TMC5: variants seen among roughly 807,000 people sequenced by gnomAD.
TMC5 encodes the protein transmembrane channel like 5, also known as transmembrane channel-like protein 5.
Under a neutral mutation model 110.5 loss-of-function variants are expected in TMC5, and 86 were observed. The observed-to-expected ratio is 0.78, with a 90% CI of 0.65 to 0.93. TMC5 has a LOEUF of 0.93. TMC5 is among the 40% of genes least tolerant of loss of function. TMC5 has a pLI of 0.00. For missense variants in TMC5, 1,144 were observed against 1,222.8 expected, an observed-to-expected ratio of 0.94 and a Z score of 0.96; for synonymous variants, 455 against 439.5, an observed-to-expected ratio of 1.04 and a Z score of -0.44.
At chr16:19,449,499 G>A in intron 4 of TMC5, 43 bp from the exon 5 acceptor site, 1 of 1,506,350 alleles carries the variant, frequency 6.6e-7, no homozygotes, top group Admixed American at 1.7e-5. Context: ...AATGTCTAGT[G>A]TGGTGAGACT....
intron 10 of TMC5, among the ~76,000 whole-genome samples, chr16:19,470,127 C>T (rs546653089): frequency 6.6e-6 from 1 of 151,718 alleles, no homozygotes; most frequent in Non-Finnish European, 1.5e-5. Context: ...ATCTCCTGAC[C>T]TCGTGATCCA....
intron 2 of TMC5, among the ~76,000 whole-genome samples, chr16:19,438,435 G>GAGAGAGAAAGAA (rs1555480629): frequency 9.6e-6 from 1 of 103,920 alleles, no homozygotes; most frequent in African/African-American, 4.2e-5. Context: ...AAGAAAGAAA[G>GAGAGAGAAAGAA]AGAAAGAAAG....
chr16:19,413,523 CAAAAAAAAAAAAAAAAAAAAAA>C (rs869158130), upstream of TMC5, among the ~76,000 whole-genome samples: 7 of 52,964 alleles, frequency 1.3e-4, no homozygotes, highest in South Asian at 1.1e-3. Flanking sequence ...AACCCTGCCT[CAAAAAAAAAAAAAAAAAAAAAA>C]AAAAAAAAAA....
chr16:19,418,396 C>G (rs1966904195), intron 1 of TMC5, among the ~76,000 whole-genome samples: 1 of 152,086 alleles, frequency 6.6e-6, no homozygotes, highest in Non-Finnish European at 1.5e-5. Flanking sequence ...GCCTTGGTTT[C>G]CTTGTCTGTA....
intron 9 of TMC5, 92 bp downstream of exon 9, chr16:19,466,325 CT>C: frequency 1.6e-6 from 2 of 1,286,346 alleles, no homozygotes; most frequent in Non-Finnish European, 2.2e-6. Context: ...GTAACAGTTT[CT>C]CTGCAGTCCT....
chr16:19,464,583 ATTCTT>A (rs1250284184), intron 8 of TMC5, among the ~76,000 whole-genome samples: 9 of 152,314 alleles, frequency 5.9e-5, no homozygotes, highest in South Asian at 2.1e-4. Flanking sequence ...GTACAGAGGC[ATTCTT>A]TTCTTTTCTT....
intron 5 of TMC5, among the ~76,000 whole-genome samples, 159 bp from the exon 6 acceptor site, chr16:19,460,076 T>C (rs1409043895): frequency 3.3e-5 from 5 of 149,934 alleles, no homozygotes; most frequent in Admixed American, 2.6e-4. Flanking sequence ...CTTTAACACA[T>C]ATATGTGTTT....
At chr16:19,424,649 T>TA (rs973749069) in intron 1 of TMC5, among the ~76,000 whole-genome samples, 9 of 151,018 alleles carry the variant, frequency 6.0e-5, no homozygotes, top group African/African-American at 1.7e-4. Flanking sequence ...AACTCTGTCT[T>TA]AAAAAAAAAG....
chr16:19,477,164 C>T (rs1042266389), intron 12 of TMC5: 13 of 284,112 alleles, frequency 4.6e-5, no homozygotes, highest in Admixed American at 1.5e-4. Flanking sequence ...AGGAGAATGG[C>T]GTGAACCTGG....
chr16:19,419,912 G>T (rs1254978537), intron 1 of TMC5, among the ~76,000 whole-genome samples: 1 of 152,148 alleles, frequency 6.6e-6, no homozygotes, highest in African/African-American at 2.4e-5. Flanking sequence ...GTCACCCAAC[G>T]TTCATCATTC....
chr16:19,433,052 A>G (rs1040654328), intron 2 of TMC5, among the ~76,000 whole-genome samples: 6 of 152,340 alleles, frequency 3.9e-5, no homozygotes, highest in Non-Finnish European at 8.8e-5. Flanking sequence ...GAAGTTATAT[A>G]CATACATACA....
chr16:19,493,810 C>T (rs1322873458), intron 19 of TMC5, among the ~76,000 whole-genome samples: 3 of 152,236 alleles, frequency 2.0e-5, no homozygotes, highest in Non-Finnish European at 4.4e-5. Flanking sequence ...CTTCCCCTCC[C>T]CACTTCCTCT....
At chr16:19,480,068 G>C (rs1968580828) in intron 14 of TMC5, among the ~76,000 whole-genome samples, 1 of 152,032 alleles carries the variant, frequency 6.6e-6, no homozygotes. Flanking sequence ...ACATTGCTCT[G>C]TGTGTGTCTT....
At chr16:19,458,689 T>C (rs1967946617) in intron 5 of TMC5, among the ~76,000 whole-genome samples, 2 of 152,148 alleles carry the variant, frequency 1.3e-5, no homozygotes, top group African/African-American at 4.8e-5. Context: ...TCCCTGGATC[T>C]CTGTATATTT....
At position 19,497,104 on chromosome 16, in the gene TMC5, GTTTT is replaced by G; in HGVS notation, c.2932-13_2932-10del. On this transcript the variant is annotated splice_polypyrimidine_tract_variant and intron_variant, in intron 20 of 21. Transcript: ENST00000542583. ...TTCTTCCTCCGTGACGTGGCTGCTT[GTTTT>G]TTTCTTTTTCAGCAACAAGGCTTTT... 1.2e-6 allele frequency: 2 copies of G among 1,613,772 alleles called. No homozygotes were observed. Among genetic ancestry groups the G allele is most frequent in the Non-Finnish European group, 8.5e-7 (1 of 1,179,874 alleles).
intron 5 of TMC5, among the ~76,000 whole-genome samples, chr16:19,458,589 A>G (rs1397766667): frequency 6.6e-6 from 1 of 152,184 alleles, no homozygotes; most frequent in African/African-American, 2.4e-5. Flanking sequence ...TTCAGGGAGA[A>G]GAAAAATATC....
chr16:19,462,846 C>T (rs1047058394), intron 6 of TMC5, among the ~76,000 whole-genome samples: 2 of 150,928 alleles, frequency 1.3e-5, no homozygotes, highest in South Asian at 2.1e-4. Context: ...TGCAGTGAGC[C>T]GCCATCAGGC....
intron 12 of TMC5, 96 bp from the exon 13 acceptor site, chr16:19,477,344 A>C: frequency 1.1e-6 from 1 of 924,776 alleles, no homozygotes. Context: ...AGGGGCCAGG[A>C]ATTTCTATCT....
intron 10 of TMC5, among the ~76,000 whole-genome samples, chr16:19,471,841 A>G (rs1968349568): frequency 6.6e-6 from 1 of 151,692 alleles, no homozygotes; most frequent in South Asian, 2.1e-4. Context: ...CCTCACTACA[A>G]CCTCCACCTC....
Sources: allele counts gnomAD v4.1 joint callset (sites outside exome capture counted in the v4.1 genomes callset), GRCh38; gene constraint gnomAD v4.1.1; transcripts MANE v1.5; gene names NCBI Gene and HGNC (gene_info 2026-07-23, HGNC 2026-07-21).